ADAM17: variants seen among roughly 807,000 people sequenced by gnomAD.
The protein encoded by ADAM17 is ADAM metallopeptidase domain 17.
A neutral mutation model predicts 96.7 loss-of-function variants in ADAM17; 39 were observed. The ratio of observed to expected loss-of-function variants is 0.40; its 90% CI spans 0.31 to 0.53. The LOEUF is 0.53. ADAM17 is among the 20% of genes least tolerant of loss of function. The pLI is 0.44. For missense variants in ADAM17, 777 were observed against 1,013.2 expected (o/e 0.77, Z 3.17); for synonymous variants, 344 against 359.2 (o/e 0.96, Z 0.48).
At chr2:9,508,736 G>A (rs1040604924) in intron 11 of ADAM17, among the ~76,000 whole-genome samples, 2 of 152,038 alleles carry the variant, frequency 1.3e-5, no homozygotes, top group African/African-American at 4.8e-5. Flanking sequence ...AACATCCCCC[G>A]CCCCGCAGCA....
chr2:9,514,388 T>A (rs1279334248), intron 10 of ADAM17, among the ~76,000 whole-genome samples: 6 of 139,862 alleles, frequency 4.3e-5, no homozygotes, highest in African/African-American at 1.6e-4. Flanking sequence ...GGGGAAGGGA[T>A]AGCATTAGGA....
chr2:9,526,623 C>A (rs1294437758), intron 5 of ADAM17, among the ~76,000 whole-genome samples: 2 of 152,008 alleles, frequency 1.3e-5, no homozygotes, highest in East Asian at 3.9e-4. Context: ...TGATGAAACC[C>A]CATCTCTATT....
Position 9,555,520 on chromosome 2 carries a change from TG to T in ADAM17, c.85del (p.His29ThrfsTer27). 6.3e-7 allele frequency: 1 copy of T among 1,597,182 alleles called. No homozygotes were observed. Among genetic ancestry groups the T allele is most frequent in the Non-Finnish European group, 8.5e-7 (1 of 1,171,806 alleles). Reference sequence around the variant, plus strand: ...CCCTGGGTCTTTACCGAGTCTCTGGTGGGGGCCGAAGCCCGGGTCATCCGGA... The same window carrying T: ...CCCTGGGTCTTTACCGAGTCTCTGGTGGGGCCGAAGCCCGGGTCATCCGGA... ...RPPDDPGFGPHQRLEKLDSLL... is the reference protein window; with the variant it reads ...RPPDDPGFGPXQRLEKLDSLL... On this transcript the variant is annotated frameshift_variant, in exon 1 of 19. Coordinates refer to ENST00000310823, the MANE Select transcript of ADAM17 (RefSeq NM_003183.6). LOFTEE classifies it high-confidence loss of function.
rs1661812163 is a variant in ADAM17 at position 9,488,790 on chromosome 2, C to T, written c.*1387G>A. On this transcript the variant is annotated 3_prime_UTR_variant, in exon 19 of 19. Coordinates refer to ENST00000310823, the MANE Select transcript of ADAM17 (RefSeq NM_003183.6). ...ATTAGTATAACAAGTATCTGAGTAA[C>T]AAATGTCCTTGGAAATGGGGGGTAG... The T allele has an allele frequency of 6.6e-6, 1 of 152,178 alleles. No homozygotes were observed. The highest frequency in any genetic ancestry group is 3.1e-3 in the Middle Eastern group (1 of 318). 9.4% of individuals were successfully genotyped at this position (152,178 alleles called of 1,614,324 possible).
At chr2:9,542,318 C>T (rs758143764) in intron 2 of ADAM17, among the ~76,000 whole-genome samples, 1 of 152,116 alleles carries the variant, frequency 6.6e-6, no homozygotes, top group Non-Finnish European at 1.5e-5. Flanking sequence ...GATGGAAAGA[C>T]CACCTGAGCC....
chr2:9,528,988 T>C (rs1486749334), intron 4 of ADAM17, among the ~76,000 whole-genome samples: 1 of 152,180 alleles, frequency 6.6e-6, no homozygotes, highest in Admixed American at 6.5e-5. Context: ...GTAATGTAAA[T>C]ATAGCTAAAA....
chr2:9,525,252 T>C (rs1282803309), intron 6 of ADAM17, among the ~76,000 whole-genome samples: 2 of 150,790 alleles, frequency 1.3e-5, no homozygotes, highest in African/African-American at 4.9e-5. Flanking sequence ...TGAGCTGAGA[T>C]TGTGCCACTG....
At chr2:9,530,264 T>C (rs1201674583) in intron 4 of ADAM17, among the ~76,000 whole-genome samples, 1 of 152,176 alleles carries the variant, frequency 6.6e-6, no homozygotes, top group African/African-American at 2.4e-5. Flanking sequence ...CAAACATTTC[T>C]AAGTTCACAT....
At chr2:9,517,335 A>G (rs1664104790) in intron 10 of ADAM17, among the ~76,000 whole-genome samples, 2 of 152,244 alleles carry the variant, frequency 1.3e-5, no homozygotes, top group African/African-American at 4.8e-5. Context: ...ACTCAAAATG[A>G]CTTCAGATTC....
intron 10 of ADAM17, among the ~76,000 whole-genome samples, chr2:9,516,779 T>C (rs1194776310): frequency 6.6e-6 from 1 of 151,914 alleles, no homozygotes; most frequent in Non-Finnish European, 1.5e-5. Flanking sequence ...AAATAAAAAT[T>C]AAAAATCAGT....
Position 9,488,883 on chromosome 2 carries a change from T to C in ADAM17, c.*1294A>G, listed in dbSNP as rs899767676. On this transcript the variant is annotated 3_prime_UTR_variant, in exon 19 of 19. Coordinates refer to ENST00000310823, the MANE Select transcript of ADAM17 (RefSeq NM_003183.6). ...AATTTACAAGTTAAAATGTTTTGGC[T>C]GGTGAGCACATTTCAGTTCTTAGGG... is the stretch of plus-strand genomic sequence containing the variant. The C allele has an allele frequency of 6.6e-6, 1 of 152,240 alleles. No individual in the cohort carries two copies. Among genetic ancestry groups the C allele is most frequent in the Non-Finnish European group, 1.5e-5 (1 of 68,044 alleles). The allele number at this position is 152,240 out of a possible 1,614,324, so 9.4% of individuals were successfully genotyped here.
At position 9,536,952 on chromosome 2, in the gene ADAM17, C is replaced by A. The variant is rs1572949936; in HGVS notation, c.231-124G>T. On this transcript the variant is annotated intron_variant, in intron 2 of 18. Transcript: ENST00000310823. ...TAATAAAACACTATGCAAGTTACAACTAAAGTCTTATTAGGTACTTAGAGC... is the reference window on the plus strand; with the variant it reads ...TAATAAAACACTATGCAAGTTACAAATAAAGTCTTATTAGGTACTTAGAGC... 4 of 1,148,024 alleles carry A rather than the reference C, an allele frequency of 3.5e-6. No individual in the cohort carries two copies. In the East Asian group the frequency reaches 1.1e-4, roughly 31 times the overall value. 71.1% of individuals were successfully genotyped at this position (1,148,024 alleles called of 1,614,324 possible).
In ADAM17 at chr2:9,509,997, G is replaced by A. The variant is rs749333487; in HGVS notation, c.1326C>T (p.Gly442=). 2.5e-6 allele frequency: 4 copies of A among 1,613,860 alleles called. No individual in the cohort carries two copies. The highest frequency in any genetic ancestry group is 3.4e-6 in the Non-Finnish European group (4 of 1,179,940). The part of the protein sequence containing the change: ...KYVMYPIAVS[G]DHENNKMFSN... ...CACATACCTTATTGTTCTCGTGATC[G>A]CCACTCACAGCTATGGGATACATGA... is the stretch of plus-strand genomic sequence containing the variant. The change falls in exon 11 of 19, where the codon GGC becomes GGT. Residue 442 remains glycine, a synonymous_variant. Coordinates refer to ENST00000310823, the MANE Select transcript of ADAM17 (RefSeq NM_003183.6).
chr2:9,514,154 T>C (rs1170424445), intron 10 of ADAM17, among the ~76,000 whole-genome samples: 3 of 152,054 alleles, frequency 2.0e-5, no homozygotes, highest in East Asian at 3.9e-4. Flanking sequence ...GTGGCACATA[T>C]ACACCATGGA....
intron 12 of ADAM17, among the ~76,000 whole-genome samples, chr2:9,504,751 A>G (rs1663273772): frequency 7.0e-6 from 1 of 143,614 alleles, no homozygotes; most frequent in African/African-American, 2.6e-5. Context: ...ACAGAGCAAG[A>G]CTCTGTCTCA....
At chr2:9,536,661 CCAGA>C (rs761966345) in intron 3 of ADAM17, 33 bp downstream of exon 3, 7 of 1,611,454 alleles carry the variant, frequency 4.3e-6, no homozygotes, top group Non-Finnish European at 5.9e-6. Context: ...ACCTAATACA[CCAGA>C]CACAGGGGCA....
intron 4 of ADAM17, among the ~76,000 whole-genome samples, chr2:9,531,687 G>C (rs2125030661): frequency 6.6e-6 from 1 of 152,308 alleles, no homozygotes; most frequent in South Asian, 2.1e-4. Context: ...GGGCGACAGA[G>C]CAAGACTCCA....
At chr2:9,535,229 C>A (rs1664911817) in intron 4 of ADAM17, among the ~76,000 whole-genome samples, 1 of 152,226 alleles carries the variant, frequency 6.6e-6, no homozygotes, top group South Asian at 2.1e-4. Flanking sequence ...ACCACCACCA[C>A]CCAGAGTCTT....
At chr2:9,526,778 A>G (rs1664549335) in intron 5 of ADAM17, among the ~76,000 whole-genome samples, 1 of 152,144 alleles carries the variant, frequency 6.6e-6, no homozygotes, top group African/African-American at 2.4e-5. Flanking sequence ...CCAGGGCGAC[A>G]AAAGTGAGAC....
Sources: gnomAD v4.1 joint callset for allele counts (sites outside exome capture counted in the v4.1 genomes callset) on GRCh38, gnomAD v4.1.1 for gene constraint, MANE v1.5 for transcripts, NCBI Gene and HGNC (gene_info 2026-07-23, HGNC 2026-07-21) for gene names.